Variants in SLC25A12 observed in about 807,000 individuals in gnomAD.
SLC25A12 encodes the protein electrogenic aspartate/glutamate antiporter SLC25A12, mitochondrial.
A neutral mutation model predicts 83.3 loss-of-function variants in SLC25A12; 32 were observed. That is an observed-to-expected ratio of 0.38 (90% CI 0.29 to 0.52). SLC25A12 has a LOEUF of 0.52. SLC25A12 is among the 20% of genes least tolerant of loss of function. The pLI is 0.84. For missense variants in SLC25A12, 611 were observed against 835.6 expected, an observed-to-expected ratio of 0.73 and a Z score of 3.31; for synonymous variants, 267 against 291.1, an observed-to-expected ratio of 0.92 and a Z score of 0.84.
chr2:171,829,904 T>TAAC lies in SLC25A12; in HGVS notation c.846-3025_846-3023dup, dbSNP rs1289005902. On this transcript the variant is annotated intron_variant, in intron 8 of 17. Transcript: ENST00000422440. ...CCGCTACTGATCCTAACTGGGACTATAACACCCCCATGGGAATGAACAACT... is the reference window on the plus strand; with the variant it reads ...CCGCTACTGATCCTAACTGGGACTATAACAACACCCCCATGGGAATGAACAACT... Among the ~76,000 whole-genome samples the TAAC allele has an allele frequency of 4.6e-5, 7 of 152,308 alleles. No individual in the cohort carries two copies. The East Asian group carries it at 1.2e-3, about 25-fold the overall frequency.
intron 2 of SLC25A12, among the ~76,000 whole-genome samples, chr2:171,892,942 A>G (rs1489337493): frequency 6.6e-6 from 1 of 152,150 alleles, no homozygotes; most frequent in Admixed American, 6.5e-5. Flanking sequence ...TCTGTGCTTA[A>G]GCTGGAAATT....
chr2:171,886,608 C>T (rs1373199228), intron 2 of SLC25A12, among the ~76,000 whole-genome samples: 1 of 151,886 alleles, frequency 6.6e-6, no homozygotes, highest in Non-Finnish European at 1.5e-5. Flanking sequence ...CTCCCAGGTT[C>T]ACGCCATTCT....
chr2:171,894,016 T>TC (rs1294510939), intron 1 of SLC25A12, among the ~76,000 whole-genome samples, 187 bp downstream of exon 1: 1 of 150,840 alleles, frequency 6.6e-6, no homozygotes, highest in Non-Finnish European at 1.5e-5. Flanking sequence ...CTCCTTCCCC[T>TC]CCCCCAGCCG....
chr2:171,884,462 G>T (rs943126560), intron 2 of SLC25A12, among the ~76,000 whole-genome samples: 39 of 150,352 alleles, frequency 2.6e-4, no homozygotes, highest in Admixed American at 6.6e-5. Flanking sequence ...TGTCCACCTC[G>T]CCCCTAGAAT....
intron 6 of SLC25A12, among the ~76,000 whole-genome samples, chr2:171,835,874 C>A (rs1684545025): frequency 6.6e-6 from 1 of 151,050 alleles, no homozygotes. Context: ...ACCCAAAAAG[C>A]TGGACTCAAA....
Position 171,893,190 on chromosome 2 carries a change from T to G in SLC25A12, c.66+15A>C. On this transcript the variant is annotated intron_variant, in intron 2 of 17. Transcript: ENST00000422440. ...TGTTTTTGCAATGAAAGGCACACTA[T>G]GCAAGCCAATTTACCTGTAGAAATA... 1 of 1,612,838 alleles carries G rather than the reference T, an allele frequency of 6.2e-7. No individual in the cohort carries two copies.
chr2:171,855,995 G>T, intron 3 of SLC25A12, 46 bp from the exon 4 acceptor site: 1 of 1,037,082 alleles, frequency 9.6e-7, no homozygotes, highest in Non-Finnish European at 1.5e-6. Context: ...GAAAGGGAAA[G>T]CATCAGGCAT....
At chr2:171,853,282 T>C (rs550271803) in intron 4 of SLC25A12, among the ~76,000 whole-genome samples, 1 of 152,374 alleles carries the variant, frequency 6.6e-6, no homozygotes, top group Non-Finnish European at 1.5e-5. Context: ...TTATACCTGG[T>C]ACCGTAAAAA....
At position 171,855,956 on chromosome 2, in the gene SLC25A12, T is replaced by A. The variant is rs1170931413; in HGVS notation, c.210-7A>T. 1.3e-6 allele frequency: 2 copies of A among 1,496,754 alleles called. No individual in the cohort carries two copies. Among genetic ancestry groups the A allele is most frequent in the Admixed American group, 1.7e-5 (1 of 59,856 alleles). 92.7% of individuals were successfully genotyped at this position (1,496,754 alleles called of 1,614,324 possible). A position where few individuals can be genotyped will look rare whatever the true frequency, so the allele number is the denominator to read the frequency against. On this transcript the variant is annotated splice_polypyrimidine_tract_variant and splice_region_variant and intron_variant, in intron 3 of 17. Coordinates refer to ENST00000422440, the MANE Select transcript of SLC25A12 (RefSeq NM_003705.5). The stretch of plus-strand genomic sequence containing the variant: ...CTCTTGATAGGAGATCAACCTGGAA[T>A]AAAATATAAAACGTCATTGGCTGGT...
At chr2:171,831,595 T>C (rs909853437) in intron 8 of SLC25A12, among the ~76,000 whole-genome samples, 3 of 151,984 alleles carry the variant, frequency 2.0e-5, no homozygotes, top group South Asian at 4.2e-4. Flanking sequence ...TCTGTGGAAG[T>C]TGTGATAGGG....
At chr2:171,860,619 C>A (rs146498816) in intron 3 of SLC25A12, among the ~76,000 whole-genome samples, 175 of 151,882 alleles carry the variant, frequency 1.2e-3, no homozygotes, top group Middle Eastern at 3.4e-3. Context: ...ACAACAACAA[C>A]AAAAAACCCT....
intron 3 of SLC25A12, among the ~76,000 whole-genome samples, chr2:171,858,207 T>C (rs989192280): frequency 3.3e-5 from 5 of 152,180 alleles, no homozygotes; most frequent in African/African-American, 1.2e-4. Flanking sequence ...AATGAAGTAT[T>C]TTCCTAGGAA....
At chr2:171,894,082 C>A in intron 1 of SLC25A12, 121 bp downstream of exon 1, 3 of 1,348,722 alleles carry the variant, frequency 2.2e-6, no homozygotes, top group Non-Finnish European at 3.1e-6. Context: ...CAAGCCGGAG[C>A]CCCAGGACAA....
chr2:171,856,091 A>T (rs1685039468), intron 3 of SLC25A12, 142 bp from the exon 4 acceptor site: 1 of 655,826 alleles, frequency 1.5e-6, no homozygotes, highest in Admixed American at 2.5e-5. Flanking sequence ...GGTACTTCAG[A>T]TAAGGAAGGA....
chr2:171,805,089 G>GT (rs1283233729), intron 13 of SLC25A12, among the ~76,000 whole-genome samples: 7 of 144,392 alleles, frequency 4.8e-5, no homozygotes, highest in Non-Finnish European at 7.5e-5. Context: ...TATTTTTTCT[G>GT]TTTTTTTGTT....
chr2:171,815,744 TTA>T (rs1435019843), intron 9 of SLC25A12, among the ~76,000 whole-genome samples: 1 of 152,098 alleles, frequency 6.6e-6, no homozygotes, highest in Non-Finnish European at 1.5e-5. Context: ...CCACCAGATG[TTA>T]TTTCACAGGT....
chr2:171,826,899 G>C lies in SLC25A12; in HGVS notation c.846-17C>G, dbSNP rs780160781. ...GTCAAGCGCCTTCAGGAAAAATATA[G>C]GAAAGAATTGTTAGACACTGACAAA... is the stretch of plus-strand genomic sequence containing the variant. On this transcript the variant is annotated splice_polypyrimidine_tract_variant and intron_variant, in intron 8 of 17. Transcript: ENST00000422440. 6.1e-6 allele frequency: 9 copies of C among 1,473,140 alleles called. No individual in the cohort carries two copies. The highest frequency in any genetic ancestry group is 5.7e-6 in the Non-Finnish European group (6 of 1,052,288). 91.3% of individuals were successfully genotyped at this position (1,473,140 alleles called of 1,614,324 possible). A position where few individuals can be genotyped will look rare whatever the true frequency, so the allele number is the denominator to read the frequency against.
chr2:171,884,669 G>A (rs904224694), intron 2 of SLC25A12, among the ~76,000 whole-genome samples: 2 of 151,866 alleles, frequency 1.3e-5, no homozygotes, highest in African/African-American at 4.8e-5. Flanking sequence ...CAGCTACTCA[G>A]GAGGCTGAGG....
At chr2:171,791,302 C>T (rs2105837281) in intron 15 of SLC25A12, 149 bp downstream of exon 15, 1 of 740,710 alleles carries the variant, frequency 1.4e-6, no homozygotes, top group Non-Finnish European at 2.4e-6. Context: ...AGAATTACAG[C>T]ACATCCCACA....
Sources: allele counts gnomAD v4.1 joint callset (sites outside exome capture counted in the v4.1 genomes callset), GRCh38; gene constraint gnomAD v4.1.1; transcripts MANE v1.5; gene names NCBI Gene and HGNC (gene_info 2026-07-23, HGNC 2026-07-21).